Variants in EPB41L4A observed in about 807,000 individuals in gnomAD.
EPB41L4A encodes erythrocyte membrane protein band 4.1 like 4A.
A neutral mutation model predicts 108.6 loss-of-function variants in EPB41L4A; 100 were observed. The observed-to-expected ratio is 0.92, with a 90% CI of 0.78 to 1.09. The LOEUF is 1.09. Ranked by LOEUF, EPB41L4A falls within the 50% of genes least tolerant of loss-of-function variation. The pLI is 0.00. For missense variants in EPB41L4A, 1,030 were observed against 842.7 expected (o/e 1.22, Z -2.75); for synonymous variants, 319 against 289.0 (o/e 1.10, Z -1.05).
At chr5:112,206,104 A>C (rs904125332) in intron 13 of EPB41L4A, 9 of 152,472 alleles carry the variant, frequency 5.9e-5, no homozygotes, top group African/African-American at 2.2e-4. Flanking sequence ...TTCTACCCTC[A>C]ACAAATTGTT....
chr5:112,384,896 G>A (rs1760406289), intron 1 of EPB41L4A, among the ~76,000 whole-genome samples: 1 of 152,178 alleles, frequency 6.6e-6, no homozygotes, highest in African/African-American at 2.4e-5. Flanking sequence ...AATATCTGCT[G>A]GGAAAGATAA....
At chr5:112,206,457 C>G (rs537162329) in intron 13 of EPB41L4A, among the ~76,000 whole-genome samples, 4 of 151,906 alleles carry the variant, frequency 2.6e-5, no homozygotes, top group African/African-American at 9.7e-5. Context: ...GCATATAACC[C>G]ATAGTATTAG....
At chr5:112,226,354 A>C (rs1223120228) in intron 12 of EPB41L4A, among the ~76,000 whole-genome samples, 2 of 152,214 alleles carry the variant, frequency 1.3e-5, no homozygotes, top group Non-Finnish European at 2.9e-5. Flanking sequence ...CCAGAGCCAC[A>C]GCTTCTGTGC....
intron 1 of EPB41L4A, among the ~76,000 whole-genome samples, chr5:112,394,813 A>G (rs1219518352): frequency 6.6e-6 from 1 of 152,232 alleles, no homozygotes; most frequent in Non-Finnish European, 1.5e-5. Flanking sequence ...ACAAAGCTGG[A>G]GGCATCATGC....
intron 18 of EPB41L4A, among the ~76,000 whole-genome samples, chr5:112,175,032 C>G (rs1381249970): frequency 1.3e-5 from 2 of 152,178 alleles, no homozygotes; most frequent in East Asian, 1.9e-4. Flanking sequence ...GGAGGCACTT[C>G]CGGGTTGGGG....
chr5:112,173,368 A>C (rs1490170699), intron 18 of EPB41L4A, among the ~76,000 whole-genome samples: 1 of 152,132 alleles, frequency 6.6e-6, no homozygotes, highest in Non-Finnish European at 1.5e-5. Flanking sequence ...TATCAGGCCT[A>C]GTGGTGAGAG....
At chr5:112,166,176 C>T (rs540724166) in intron 22 of EPB41L4A, among the ~76,000 whole-genome samples, 19 of 152,342 alleles carry the variant, frequency 1.2e-4, no homozygotes, top group South Asian at 8.3e-4. Context: ...GCAGCCTTTG[C>T]GTGAAAAGGC....
chr5:112,181,441 ACT>A (rs1761149762), intron 18 of EPB41L4A, among the ~76,000 whole-genome samples: 3 of 151,316 alleles, frequency 2.0e-5, no homozygotes, highest in Admixed American at 6.6e-5. Flanking sequence ...ACAGAGCGAG[ACT>A]CTGTCTCAAA....
At position 112,177,912 on chromosome 5, in the gene EPB41L4A, CA is replaced by C. The variant is rs552778289; in HGVS notation, c.1622+6103del. 9.2e-5 allele frequency among the ~76,000 whole-genome samples: 14 copies of C among 151,554 alleles called. No individual in the cohort carries two copies. The East Asian group carries it at 2.5e-3, about 27-fold the overall frequency. On this transcript the variant is annotated intron_variant, in intron 18 of 22. Transcript: ENST00000261486. The stretch of plus-strand genomic sequence containing the variant: ...AAGTAGGAAGGGAGCAACAAACCAA[CA>C]AAAAACAGGCGTAATAAACCAGAAA...
At chr5:112,255,027 G>A (rs1750973121) in intron 9 of EPB41L4A, among the ~76,000 whole-genome samples, 3 of 152,018 alleles carry the variant, frequency 2.0e-5, no homozygotes, top group African/African-American at 7.2e-5. Context: ...CTAAAAGTGG[G>A]AAGGATCCTT....
At chr5:112,312,839 A>G (rs1414947374) in intron 1 of EPB41L4A, among the ~76,000 whole-genome samples, 1 of 152,198 alleles carries the variant, frequency 6.6e-6, no homozygotes, top group African/African-American at 2.4e-5. Context: ...CTATGGGCCA[A>G]TATTTTGCAG....
chr5:112,191,402 A>G (rs1761691838), intron 17 of EPB41L4A, among the ~76,000 whole-genome samples: 1 of 152,204 alleles, frequency 6.6e-6, no homozygotes, highest in Admixed American at 6.5e-5. Context: ...CTAAACAACA[A>G]TCTTTGCTTC....
At chr5:112,278,260 T>A (rs1428666951) in intron 3 of EPB41L4A, among the ~76,000 whole-genome samples, 1 of 151,712 alleles carries the variant, frequency 6.6e-6, no homozygotes, top group East Asian at 1.9e-4. Context: ...ATCAATTTTT[T>A]TTTTTTTGAG....
chr5:112,189,376 G>A (rs1761578551), intron 17 of EPB41L4A, among the ~76,000 whole-genome samples: 1 of 152,178 alleles, frequency 6.6e-6, no homozygotes, highest in Non-Finnish European at 1.5e-5. Flanking sequence ...TTGCATGTGA[G>A]AAATGAAGAT....
chr5:112,275,721 A>G (rs776942967), intron 3 of EPB41L4A, among the ~76,000 whole-genome samples: 1 of 146,714 alleles, frequency 6.8e-6, no homozygotes, highest in Admixed American at 6.9e-5. Flanking sequence ...TGAAGAAAGA[A>G]AAAAAATAAA....
In EPB41L4A at chr5:112,263,239, AGT is replaced by A. The variant is rs1049251857; in HGVS notation, c.555-660_555-659del. Among the ~76,000 whole-genome samples, 4 of 152,134 alleles carry A rather than the reference AGT, an allele frequency of 2.6e-5. No homozygotes were observed. The East Asian group carries it at 7.7e-4, about 29-fold the overall frequency. The stretch of plus-strand genomic sequence containing the variant: ...AGAGTTAAATATGCATGTGCAAGCG[AGT>A]GTGTGTGAGTGTGTGAGAGAGAGAG... On this transcript the variant is annotated intron_variant, in intron 6 of 22. Transcript: ENST00000261486.
In EPB41L4A at chr5:112,405,158, G is replaced by C. The variant is rs530909083; in HGVS notation, c.99+13783C>G. ...CTCGCATTCTCTCATATTCTCTCGG[G>C]TCACTTTCCATGGAGGGAGGTCAGC... On this transcript the variant is annotated intron_variant, in intron 1 of 22. Coordinates refer to ENST00000261486, the MANE Select transcript of EPB41L4A (RefSeq NM_022140.5). Among the ~76,000 whole-genome samples, 4 of 152,270 alleles carry C rather than the reference G, an allele frequency of 2.6e-5. No individual in the cohort carries two copies. In the South Asian group the frequency reaches 8.3e-4, roughly 32 times the overall value.
chr5:112,334,399 G>C (rs1383298281), intron 1 of EPB41L4A, among the ~76,000 whole-genome samples: 1 of 152,124 alleles, frequency 6.6e-6, no homozygotes, highest in Non-Finnish European at 1.5e-5. Flanking sequence ...TGAGAGTCTA[G>C]CACCTTTTAT....
chr5:112,248,146 C>G (rs1339206448), intron 9 of EPB41L4A, among the ~76,000 whole-genome samples: 1 of 152,150 alleles, frequency 6.6e-6, no homozygotes, highest in African/African-American at 2.4e-5. Context: ...GATCCAAATA[C>G]TAAAAGGAGG....
Sources: allele counts gnomAD v4.1 joint callset (sites outside exome capture counted in the v4.1 genomes callset), GRCh38; gene constraint gnomAD v4.1.1; transcripts MANE v1.5; gene names NCBI Gene and HGNC (gene_info 2026-07-23, HGNC 2026-07-21).